Variants in OSBPL9 observed in about 807,000 individuals in gnomAD.
OSBPL9 encodes the protein oxysterol binding protein like 9.
A neutral mutation model predicts 106.6 loss-of-function variants in OSBPL9; 40 were observed. The ratio of observed to expected loss-of-function variants is 0.38; its 90% CI spans 0.29 to 0.49. The LOEUF (loss-of-function observed/expected upper bound fraction) is 0.49. OSBPL9 is among the 20% of genes least tolerant of loss of function. OSBPL9 has a pLI of 0.97. For missense variants in OSBPL9, 609 were observed against 887.2 expected (o/e 0.69, Z 3.98); for synonymous variants, 269 against 295.4 (o/e 0.91, Z 0.92).
chr1:51,547,864 T>C, the OSBPL9 span, among the ~76,000 whole-genome samples: 1 of 151,308 alleles, frequency 6.6e-6, no homozygotes, highest in Non-Finnish European at 1.5e-5. Flanking sequence ...TATATATATA[T>C]AAATAAAATA....
chr1:51,743,744 T>C (rs1366582729), intron 4 of OSBPL9, among the ~76,000 whole-genome samples: 1 of 152,194 alleles, frequency 6.6e-6, no homozygotes, highest in Non-Finnish European at 1.5e-5. Context: ...ACAGTCCTGA[T>C]TTTTCTGTGG....
intron 3 of OSBPL9, among the ~76,000 whole-genome samples, chr1:51,705,668 G>A (rs780932158): frequency 7.9e-5 from 12 of 151,808 alleles, no homozygotes; most frequent in Non-Finnish European, 1.6e-4. Flanking sequence ...GCTGGCCTCA[G>A]CCTCCCAAAG....
rs112288480 is a variant in OSBPL9 at position 51,729,775 on chromosome 1, A to G, written c.318+15696A>G. 0.032 allele frequency: 37,661 copies of G among 1,195,408 alleles called. 1,377 individuals are homozygous for G. Among genetic ancestry groups the G allele is most frequent in the African/African-American group, 0.17 (10,480 of 61,036 alleles). 74.1% of individuals were successfully genotyped at this position (1,195,408 alleles called of 1,614,324 possible). ...CCGCCAGGGCCAGCCAATCGGGGCG[A>G]CCCCTCCGCCGGGGAGGGGACGGGA... is the stretch of plus-strand genomic sequence containing the variant. On this transcript the variant is annotated intron_variant, in intron 4 of 23. Transcript: ENST00000428468. The surrounding 1 kb of genome is among the most constrained non-coding windows in gnomAD (Gnocchi z 5.1).
chr1:51,702,570 A>G (rs545218861), intron 3 of OSBPL9, among the ~76,000 whole-genome samples: 1 of 152,250 alleles, frequency 6.6e-6, no homozygotes, highest in African/African-American at 2.4e-5. Flanking sequence ...GTAGATTGCA[A>G]AATTTTTCTC....
chr1:51,524,303 A>G, the OSBPL9 span, among the ~76,000 whole-genome samples: 8 of 152,334 alleles, frequency 5.3e-5, no homozygotes, highest in Admixed American at 2.0e-4. Flanking sequence ...CTAACTTTTC[A>G]GGGCAGTGGG....
At chr1:51,702,450 T>C (rs1024888335) in intron 3 of OSBPL9, among the ~76,000 whole-genome samples, 1 of 151,884 alleles carries the variant, frequency 6.6e-6, no homozygotes, top group Non-Finnish European at 1.5e-5. Flanking sequence ...TGTCTTCTTT[T>C]GAGAAGTGTC....
At chr1:51,528,466 C>T in the OSBPL9 span, among the ~76,000 whole-genome samples, 1 of 152,002 alleles carries the variant, frequency 6.6e-6, no homozygotes, top group African/African-American at 2.4e-5. Context: ...ATTGCTTGAG[C>T]CCAGGAGGCG....
chr1:51,649,691 C>T (rs1350030191), intron 1 of OSBPL9, among the ~76,000 whole-genome samples: 3 of 150,958 alleles, frequency 2.0e-5, no homozygotes, highest in African/African-American at 4.9e-5. Context: ...CTTCTGGAGT[C>T]CACAGCACTT....
intron 3 of OSBPL9, among the ~76,000 whole-genome samples, chr1:51,682,734 G>A (rs1332237126): frequency 6.6e-6 from 1 of 151,838 alleles, no homozygotes; most frequent in Non-Finnish European, 1.5e-5. Flanking sequence ...TCCAGCCTGG[G>A]CAACAGAGCG....
At chr1:51,597,353 T>G (rs1476989031) in intron 1 of OSBPL9, among the ~76,000 whole-genome samples, 3 of 151,568 alleles carry the variant, frequency 2.0e-5, no homozygotes, top group African/African-American at 7.3e-5. Context: ...GGATGTCAAG[T>G]ACACAGTTAA....
At chr1:51,566,906 T>C in the OSBPL9 span, among the ~76,000 whole-genome samples, 1 of 152,174 alleles carries the variant, frequency 6.6e-6, no homozygotes, top group African/African-American at 2.4e-5. Context: ...CTCAGAGAGC[T>C]CCTGCATGGT....
intron 3 of OSBPL9, among the ~76,000 whole-genome samples, chr1:51,685,017 C>A (rs999462641): frequency 6.6e-6 from 1 of 151,080 alleles, no homozygotes; most frequent in Non-Finnish European, 1.5e-5. Context: ...CTCAAGTTAT[C>A]CTCCTACTTC....
At chr1:51,764,240 A>G (rs1386027146) in intron 11 of OSBPL9, among the ~76,000 whole-genome samples, 1 of 152,186 alleles carries the variant, frequency 6.6e-6, no homozygotes, top group African/African-American at 2.4e-5. Flanking sequence ...TTCTTCTTAG[A>G]TACAGTTTCA....
chr1:51,572,466 C>A (rs1038702471), upstream of OSBPL9, among the ~76,000 whole-genome samples: 1 of 152,170 alleles, frequency 6.6e-6, no homozygotes, highest in African/African-American at 2.4e-5. Flanking sequence ...CTAGGTCTGT[C>A]TGCTCCTCTC....
At chr1:51,711,802 A>T (rs892939843) in intron 3 of OSBPL9, among the ~76,000 whole-genome samples, 1 of 148,172 alleles carries the variant, frequency 6.7e-6, no homozygotes, top group South Asian at 2.2e-4. Flanking sequence ...CGCTCCCCAC[A>T]TCTCAGATGA....
intron 1 of OSBPL9, among the ~76,000 whole-genome samples, chr1:51,588,851 C>T (rs1486367340): frequency 2.0e-5 from 3 of 152,136 alleles, no homozygotes; most frequent in Non-Finnish European, 2.9e-5. Flanking sequence ...TATTGAGCAC[C>T]TACTATGTGC....
the OSBPL9 span, among the ~76,000 whole-genome samples, chr1:51,537,940 T>A: frequency 1.1e-4 from 16 of 152,258 alleles, no homozygotes; most frequent in Admixed American, 1.0e-3. Flanking sequence ...ATCTCCCTTT[T>A]CCCACAGTAA....
chr1:51,544,836 G>GT, the OSBPL9 span, among the ~76,000 whole-genome samples: 3 of 126,712 alleles, frequency 2.4e-5, no homozygotes, highest in African/African-American at 6.2e-5. Context: ...TAAGAGACAT[G>GT]CTTTTTTTTT....
chr1:51,615,716 A>G (rs1219075220), upstream of OSBPL9, among the ~76,000 whole-genome samples: 1 of 152,078 alleles, frequency 6.6e-6, no homozygotes, highest in African/African-American at 2.4e-5. Flanking sequence ...CTTTCTCTTG[A>G]TATTTGCACG....
Sources: gnomAD v4.1 joint callset for allele counts (sites outside exome capture counted in the v4.1 genomes callset) on GRCh38, gnomAD v4.1.1 for gene constraint, Gnocchi (gnomAD v3.1) non-coding constraint, MANE v1.5 for transcripts, NCBI Gene and HGNC (gene_info 2026-07-23, HGNC 2026-07-21) for gene names.